NLGN1: variants seen among roughly 807,000 people sequenced by gnomAD.
The protein encoded by NLGN1 is neuroligin 1.
NLGN1 carries 12 observed loss-of-function variants against 65.5 expected under a neutral mutation model. The ratio of observed to expected loss-of-function variants is 0.18; its 90% CI spans 0.12 to 0.30. The LOEUF (loss-of-function observed/expected upper bound fraction) is 0.30, where lower values mean the gene tolerates loss of function less well. NLGN1 is among the 10% of genes least tolerant of loss of function. The probability of loss-of-function intolerance (pLI) is 1.00; values close to 1 mark genes in which losing one functional copy is unlikely to be tolerated. For synonymous variants in NLGN1, 350 were observed against 359.5 expected (o/e 0.97, Z 0.30); for missense variants, 750 against 1,007.1 (o/e 0.74, Z 3.46).
intron 4 of NLGN1, among the ~76,000 whole-genome samples, chr3:173,978,834 T>TAAAAAA (rs34496124): frequency 9.0e-6 from 1 of 111,272 alleles, no homozygotes; most frequent in Non-Finnish European, 1.9e-5. Context: ...CTTCTCTAAT[T>TAAAAAA]AAAAAAAAAA....
chr3:174,249,383 C>T (rs536352554), intron 4 of NLGN1, among the ~76,000 whole-genome samples: 7 of 152,188 alleles, frequency 4.6e-5, no homozygotes, highest in Admixed American at 2.0e-4. Flanking sequence ...ATGTTATGAA[C>T]GTAATTAAGA....
chr3:173,523,906 A>G (rs1462556743), intron 2 of NLGN1, among the ~76,000 whole-genome samples: 1 of 145,098 alleles, frequency 6.9e-6, no homozygotes, highest in Non-Finnish European at 1.5e-5. Flanking sequence ...GTTTTCTCAT[A>G]TAATTTCTTT....
intron 3 of NLGN1, among the ~76,000 whole-genome samples, chr3:173,734,134 T>A (rs952010103): frequency 6.6e-6 from 1 of 152,026 alleles, no homozygotes; most frequent in Non-Finnish European, 1.5e-5. Context: ...GAAAGCATCT[T>A]ATAATTACAT....
chr3:173,439,565 A>C (rs73032444), intron 2 of NLGN1, among the ~76,000 whole-genome samples: 25,599 of 150,610 alleles, frequency 0.17, 3,292 homozygotes, highest in African/African-American at 0.37. Context: ...AACACCTTGG[A>C]TATATTGTAG....
At chr3:173,508,288 C>G (rs920554209) in intron 2 of NLGN1, among the ~76,000 whole-genome samples, 5 of 152,134 alleles carry the variant, frequency 3.3e-5, no homozygotes, top group Non-Finnish European at 7.4e-5. Context: ...CATGTCTCTT[C>G]TATTTGATCA....
intron 4 of NLGN1, among the ~76,000 whole-genome samples, chr3:173,918,710 A>G (rs936092360): frequency 3.4e-5 from 5 of 146,768 alleles, no homozygotes; most frequent in African/African-American, 1.3e-4. Flanking sequence ...GTGTATATAT[A>G]TATATTGCAT....
rs561283815 is a variant in NLGN1, at chr3:173,907,582, C to CTT, written c.646+99769_646+99770dup. ...CTTAGATGGCTTTATCTCTCTCTCTCTTTTTTTTTTTTTTTTTTTTGAGTT... is the reference window on the plus strand; with the variant it reads ...CTTAGATGGCTTTATCTCTCTCTCTCTTTTTTTTTTTTTTTTTTTTTTGAGTT... On this transcript the variant is annotated intron_variant, in intron 4 of 6. Coordinates refer to ENST00000457714, the Ensembl canonical transcript of NLGN1. Among the ~76,000 whole-genome samples the CTT allele has an allele frequency of 4.5e-3, 537 of 120,574 alleles. 8 individuals carry two copies. Among genetic ancestry groups the CTT allele is most frequent in the South Asian group, 0.018 (61 of 3,300 alleles). The allele number at this position is 120,574 out of a possible 152,430, so 79.1% of individuals were successfully genotyped here. A position where few individuals can be genotyped will look rare whatever the true frequency, so the allele number is the denominator to read the frequency against.
At chr3:174,256,882 A>G (rs1293518610) in intron 4 of NLGN1, among the ~76,000 whole-genome samples, 1 of 152,206 alleles carries the variant, frequency 6.6e-6, no homozygotes, top group Non-Finnish European at 1.5e-5. Context: ...CACCAAAAGC[A>G]ATTACTAAAA....
chr3:174,199,986 C>T (rs935809636), intron 4 of NLGN1, among the ~76,000 whole-genome samples: 4 of 152,166 alleles, frequency 2.6e-5, no homozygotes, highest in African/African-American at 9.7e-5. Context: ...CATTTCTGGA[C>T]ATCTAGGCCT....
chr3:173,941,473 A>T (rs1447281241), intron 4 of NLGN1, among the ~76,000 whole-genome samples: 2 of 152,040 alleles, frequency 1.3e-5, no homozygotes, highest in Non-Finnish European at 2.9e-5. Context: ...TTGGACTCCC[A>T]GGCCTTCCAG....
At chr3:173,450,479 C>T (rs894386205) in intron 2 of NLGN1, among the ~76,000 whole-genome samples, 3 of 152,174 alleles carry the variant, frequency 2.0e-5, no homozygotes, top group Admixed American at 1.3e-4. Flanking sequence ...ACCTTTCTCT[C>T]GGGCTGCCCT....
At chr3:173,709,915 C>T (rs1027385822) in intron 3 of NLGN1, among the ~76,000 whole-genome samples, 2 of 150,678 alleles carry the variant, frequency 1.3e-5, no homozygotes, top group Non-Finnish European at 2.9e-5. Context: ...TTGGTGTATG[C>T]TTTTCAGTAC....
At chr3:173,709,973 A>AT (rs1768696351) in intron 3 of NLGN1, among the ~76,000 whole-genome samples, 2 of 152,146 alleles carry the variant, frequency 1.3e-5, no homozygotes, top group South Asian at 2.1e-4. Context: ...CTTTAAAGGT[A>AT]TAAATACTAA....
At chr3:174,119,128 T>C (rs1331690323) in intron 4 of NLGN1, among the ~76,000 whole-genome samples, 1 of 152,164 alleles carries the variant, frequency 6.6e-6, no homozygotes, top group Non-Finnish European at 1.5e-5. Context: ...AAATCTCAAA[T>C]AATAGTAAGT....
At chr3:173,879,024 G>C (rs938562496) in intron 4 of NLGN1, among the ~76,000 whole-genome samples, 1 of 152,062 alleles carries the variant, frequency 6.6e-6, no homozygotes, top group South Asian at 2.1e-4. Context: ...CCTGAGGTCA[G>C]GAGTTCGAGA....
intron 4 of NLGN1, among the ~76,000 whole-genome samples, chr3:174,179,942 G>A (rs1041965891): frequency 1.3e-5 from 2 of 152,050 alleles, no homozygotes; most frequent in African/African-American, 4.8e-5. Context: ...AATCGTTAAT[G>A]GTGCCCCGGA....
At chr3:173,766,760 A>G (rs1163244144) in intron 3 of NLGN1, among the ~76,000 whole-genome samples, 1 of 152,216 alleles carries the variant, frequency 6.6e-6, no homozygotes, top group East Asian at 1.9e-4. Flanking sequence ...TGAATATTGA[A>G]AGAAAGAAGG....
chr3:173,651,135 T>G (rs1465202749), intron 3 of NLGN1, among the ~76,000 whole-genome samples: 1 of 151,898 alleles, frequency 6.6e-6, no homozygotes, highest in Non-Finnish European at 1.5e-5. Context: ...CTCTGTATGT[T>G]CATGTCTACA....
intron 4 of NLGN1, among the ~76,000 whole-genome samples, chr3:173,855,960 G>T (rs1432773645): frequency 6.6e-6 from 1 of 152,088 alleles, no homozygotes; most frequent in East Asian, 1.9e-4. Context: ...TGTGATGAAA[G>T]AATGGTATGT....
Sources: gnomAD v4.1 joint callset for allele counts (sites outside exome capture counted in the v4.1 genomes callset) on GRCh38, gnomAD v4.1.1 for gene constraint, MANE v1.5 for transcripts, NCBI Gene and HGNC (gene_info 2026-07-23, HGNC 2026-07-21) for gene names.